EEFSEC: variants seen among roughly 807,000 people sequenced by gnomAD.
EEFSEC encodes selenocysteine-specific elongation factor.
A neutral mutation model predicts 42.1 loss-of-function variants in EEFSEC; 43 were observed. The observed-to-expected ratio is 1.02, with a 90% CI of 0.80 to 1.32. The LOEUF (loss-of-function observed/expected upper bound fraction) is 1.32, where lower values mean the gene tolerates loss of function less well. Among genes scored for constraint, EEFSEC ranks in the 40% most tolerant of loss-of-function variants. The pLI is 0.00. For synonymous variants in EEFSEC, 354 were observed against 339.1 expected, an observed-to-expected ratio of 1.04 and a Z score of -0.48; for missense variants, 745 against 803.6, an observed-to-expected ratio of 0.93 and a Z score of 0.88.
At chr3:128,413,781 C>T in the EEFSEC span, among the ~76,000 whole-genome samples, 1 of 152,220 alleles carries the variant, frequency 6.6e-6, no homozygotes, top group African/African-American at 2.4e-5. Context: ...AGACTCGGCC[C>T]CGAGCCTCCA....
chr3:128,341,450 T>G lies in EEFSEC; in HGVS notation c.1004T>G (p.Phe335Cys). 1 of 1,614,188 alleles carries G rather than the reference T, an allele frequency of 6.2e-7. No individual in the cohort carries two copies. Among genetic ancestry groups the G allele is most frequent in the Non-Finnish European group, 8.5e-7 (1 of 1,180,036 alleles). The change falls in exon 5 of 7, where the codon TTC becomes TGC. Residue 335 changes from phenylalanine to cysteine, a missense_variant. Transcript: ENST00000254730. Reference protein sequence around the residue: ...FRGPLQTKAKFHITVGHETVM... With the variant: ...FRGPLQTKAKCHITVGHETVM... ...GGGCCCCTGCAAACCAAGGCCAAGT[T>G]CCACATTACAGTGGGCCATGAAACA...
At chr3:128,305,720 G>A (rs2066818721) in intron 4 of EEFSEC, among the ~76,000 whole-genome samples, 1 of 151,712 alleles carries the variant, frequency 6.6e-6, no homozygotes, top group Non-Finnish European at 1.5e-5. Flanking sequence ...GGGCTTTACT[G>A]GTTTTTAAGA....
intron 1 of EEFSEC, among the ~76,000 whole-genome samples, chr3:128,193,135 T>A (rs1192081441): frequency 6.6e-6 from 1 of 152,166 alleles, no homozygotes; most frequent in African/African-American, 2.4e-5. Context: ...TGTGTCCTCC[T>A]CCCAAGGAGT....
intron 1 of EEFSEC, among the ~76,000 whole-genome samples, chr3:128,236,031 C>A (rs1460375772): frequency 1.3e-5 from 2 of 152,236 alleles, no homozygotes; most frequent in South Asian, 4.1e-4. Context: ...GTGGCGCAAT[C>A]TCGCCTTACT....
intron 6 of EEFSEC, among the ~76,000 whole-genome samples, chr3:128,387,679 G>A (rs892711160): frequency 2.1e-4 from 32 of 152,198 alleles, no homozygotes; most frequent in African/African-American, 7.7e-4. Flanking sequence ...TTGGATGGCA[G>A]GGCCAGGCTG....
At chr3:128,160,209 C>T (rs1484208863) in intron 1 of EEFSEC, among the ~76,000 whole-genome samples, 2 of 152,198 alleles carry the variant, frequency 1.3e-5, no homozygotes, top group East Asian at 1.9e-4. Context: ...CATCAGAACC[C>T]GGAAGACACT....
chr3:128,409,368 G>T (rs761627459), downstream of EEFSEC, among the ~76,000 whole-genome samples: 1 of 152,018 alleles, frequency 6.6e-6, no homozygotes, highest in African/African-American at 2.4e-5. Flanking sequence ...AGCCGTGTGT[G>T]TGTGTGTGTG....
chr3:128,238,417 C>T (rs1016389655), intron 1 of EEFSEC, among the ~76,000 whole-genome samples: 1 of 152,200 alleles, frequency 6.6e-6, no homozygotes, highest in Non-Finnish European at 1.5e-5. Flanking sequence ...ATGCCCATTC[C>T]AGATCCTCAG....
At chr3:128,174,015 C>T (rs2065324472) in intron 1 of EEFSEC, among the ~76,000 whole-genome samples, 1 of 152,216 alleles carries the variant, frequency 6.6e-6, no homozygotes, top group Non-Finnish European at 1.5e-5. Flanking sequence ...GGGGACCCAA[C>T]TGCAAGGCGA....
intron 4 of EEFSEC, among the ~76,000 whole-genome samples, chr3:128,283,619 G>A (rs116081714): frequency 0.019 from 2,910 of 152,268 alleles, 42 homozygotes; most frequent in Non-Finnish European, 0.031. Context: ...GGCCGAATTG[G>A]TATAGACACT....
intron 4 of EEFSEC, among the ~76,000 whole-genome samples, chr3:128,271,941 T>A (rs1324801319): frequency 6.6e-6 from 1 of 152,182 alleles, no homozygotes; most frequent in East Asian, 1.9e-4. Context: ...CCTCAGTTTC[T>A]TGTCTTAAAG....
In EEFSEC at chr3:128,317,068, C is replaced by A. The variant is rs1337804761; in HGVS notation, c.787-24165C>A. Among the ~76,000 whole-genome samples, 1 of 152,152 alleles carries A rather than the reference C, an allele frequency of 6.6e-6. No homozygotes were observed. The highest frequency in any genetic ancestry group is 6.5e-5 in the Admixed American group (1 of 15,274). Reference sequence around the variant, plus strand: ...TGATGTGCAAGAGCACATCTGGGGTCTTAAAGAAAGCAGAAAGAAAAATAG... The same window carrying A: ...TGATGTGCAAGAGCACATCTGGGGTATTAAAGAAAGCAGAAAGAAAAATAG... On this transcript the variant is annotated intron_variant, in intron 4 of 6. Transcript: ENST00000254730. The surrounding 1 kb of genome is among the most constrained non-coding windows in gnomAD (Gnocchi z 4.1).
At position 128,273,941 on chromosome 3, in the gene EEFSEC, G is replaced by T. The variant is rs1482851284; in HGVS notation, c.786+9160G>T. On this transcript the variant is annotated intron_variant, in intron 4 of 6. Transcript: ENST00000254730. ...GGTGTAAGCATCTAGAGTCCCACTT[G>T]GGCCCAGGTTGACCTGCAGCCTCCC... Among the ~76,000 whole-genome samples, 25 of 152,266 alleles carry T rather than the reference G, an allele frequency of 1.6e-4. 1 individual carries two copies. The highest frequency in any genetic ancestry group is 1.6e-3 in the Admixed American group (25 of 15,294).
chr3:128,246,319 A>G (rs534454794), intron 1 of EEFSEC, among the ~76,000 whole-genome samples: 1 of 152,282 alleles, frequency 6.6e-6, no homozygotes, highest in South Asian at 2.1e-4. Flanking sequence ...CCCCAGAAGG[A>G]ATAGGACTGA....
At chr3:128,207,781 A>C (rs2065714274) in intron 1 of EEFSEC, among the ~76,000 whole-genome samples, 1 of 152,188 alleles carries the variant, frequency 6.6e-6, no homozygotes, top group South Asian at 2.1e-4. Flanking sequence ...TAGACAGCTC[A>C]GTAAAATTCT....
In EEFSEC at chr3:128,216,774, G is replaced by A. The variant is rs72973424; in HGVS notation, c.317-30062G>A. ...TCAGTTTCTGACTAGAGCACTCTTGGGACAGATCTCCGTGTGGTCCCCATA... is the reference window on the plus strand; with the variant it reads ...TCAGTTTCTGACTAGAGCACTCTTGAGACAGATCTCCGTGTGGTCCCCATA... On this transcript the variant is annotated intron_variant, in intron 1 of 6. Transcript: ENST00000254730. Among the ~76,000 whole-genome samples the A allele has an allele frequency of 8.9e-4, 135 of 152,336 alleles. 1 individual carries two copies. Among genetic ancestry groups the A allele is most frequent in the African/African-American group, 3.2e-3 (131 of 41,572 alleles).
In EEFSEC at chr3:128,408,126, G is replaced by A. The variant is rs376674260; in HGVS notation, c.1658G>A (p.Arg553Gln). 27 of 1,610,130 alleles carry A rather than the reference G, an allele frequency of 1.7e-5. No individual in the cohort carries two copies. The highest frequency in any genetic ancestry group is 5.5e-5 in the South Asian group (5 of 90,694). ...ACACCCGCCCTCAAGAAGCGGGCCCGGGCTGGCCGTGGGGAGGCCACCAGG... is the reference window on the plus strand; with the variant it reads ...ACACCCGCCCTCAAGAAGCGGGCCCAGGCTGGCCGTGGGGAGGCCACCAGG... ...ILTPALKKRA[R>Q]AGRGEATRQE... Residue 553 changes from arginine to glutamine, a missense_variant, in exon 7 of 7, where the codon CGG becomes CAG. Arg to Gln is a conservative substitution (Grantham distance 43, BLOSUM62 1). Transcript: ENST00000254730.
the EEFSEC span, among the ~76,000 whole-genome samples, chr3:128,424,548 AT>A: frequency 0.025 from 3,776 of 150,058 alleles, 68 homozygotes; most frequent in Non-Finnish European, 0.035. Context: ...CATACTGCCT[AT>A]TTTTTTTTCT....
At chr3:128,192,912 G>T (rs2065541469) in intron 1 of EEFSEC, among the ~76,000 whole-genome samples, 1 of 152,166 alleles carries the variant, frequency 6.6e-6, no homozygotes, top group South Asian at 2.1e-4. Flanking sequence ...GGGCAGGGGG[G>T]CATCTGCTTG....
Sources: gnomAD v4.1 joint callset for allele counts (sites outside exome capture counted in the v4.1 genomes callset) on GRCh38, gnomAD v4.1.1 for gene constraint, Gnocchi (gnomAD v3.1) non-coding constraint, MANE v1.5 for transcripts, NCBI Gene and HGNC (gene_info 2026-07-23, HGNC 2026-07-21) for gene names.